Variants in CDH13 observed in about 807,000 individuals in gnomAD.
The protein encoded by CDH13 is cadherin 13, also known as cadherin-13.
Under a neutral mutation model 63.8 loss-of-function variants are expected in CDH13, and 24 were observed. The ratio of observed to expected loss-of-function variants is 0.38; its 90% confidence interval spans 0.27 to 0.53. The LOEUF (loss-of-function observed/expected upper bound fraction) is 0.53, where lower values mean the gene tolerates loss of function less well. Among genes scored for constraint, CDH13 ranks in the 20% least tolerant of loss-of-function variants. The pLI, the probability that CDH13 is intolerant of heterozygous loss-of-function variation, is 0.85. For missense variants in CDH13, 1,049 were observed against 903.1 expected, an observed-to-expected ratio of 1.16 and a Z score of -2.07; for synonymous variants, 503 against 355.3, an observed-to-expected ratio of 1.42 and a Z score of -4.67.
At chr16:83,502,202 A>G (rs1192912980) in intron 7 of CDH13, among the ~76,000 whole-genome samples, 1 of 152,188 alleles carries the variant, frequency 6.6e-6, no homozygotes, top group Non-Finnish European at 1.5e-5. Flanking sequence ...ATTAAGTCAA[A>G]TATATTGAGA....
chr16:83,748,216 C>T lies in CDH13; in HGVS notation c.1647C>T (p.Ser549=), dbSNP rs775465798. ...LDRESPFVDN[S]VYTALFLAID... is the part of the protein sequence containing the mutation. Reference sequence around the variant, plus strand: ...GTGAGTCCCCATTTGTCGACAACAGCGTGTACACTGCTCTCTTCCTGGCAA... The same window carrying T: ...GTGAGTCCCCATTTGTCGACAACAGTGTGTACACTGCTCTCTTCCTGGCAA... Residue 549 remains serine, a synonymous_variant, in exon 11 of 14, where the codon AGC becomes AGT. Transcript: ENST00000567109. The T allele has an allele frequency of 6.8e-6, 11 of 1,613,364 alleles. No individual in the cohort carries two copies. The highest frequency in any genetic ancestry group is 1.6e-4 in the Middle Eastern group (1 of 6,082).
intron 3 of CDH13, among the ~76,000 whole-genome samples, chr16:83,078,361 G>T (rs750782036): frequency 1.3e-4 from 20 of 152,208 alleles, no homozygotes; most frequent in Non-Finnish European, 2.8e-4. Flanking sequence ...TGGTTTGGGG[G>T]TGAAAGTGTT....
Position 83,547,673 on chromosome 16 carries a change from A to G in CDH13, c.961-54781A>G, listed in dbSNP as rs190599558. 1.1e-3 allele frequency among the ~76,000 whole-genome samples: 169 copies of G among 152,284 alleles called. 2 individuals carry two copies. Among genetic ancestry groups the G allele is most frequent in the Middle Eastern group, 0.01 (3 of 294 alleles). ...GCATAGTATTCCATGGTATATACGT[A>G]CCACATTTTCTTTATCCAGTCTACA... On this transcript the variant is annotated intron_variant, in intron 7 of 13. Coordinates refer to ENST00000567109, the MANE Select transcript of CDH13 (RefSeq NM_001257.5).
At chr16:82,702,853 C>T (rs1187236685) in intron 1 of CDH13, among the ~76,000 whole-genome samples, 1 of 152,132 alleles carries the variant, frequency 6.6e-6, no homozygotes, top group East Asian at 1.9e-4. Flanking sequence ...GTGTGAGCTT[C>T]ACCTTTGTCT....
chr16:82,898,562 G>A (rs1404562376), intron 2 of CDH13, among the ~76,000 whole-genome samples: 1 of 152,152 alleles, frequency 6.6e-6, no homozygotes, highest in Non-Finnish European at 1.5e-5. Flanking sequence ...TAATTCTCTT[G>A]AATTATAGCA....
intron 10 of CDH13, chr16:83,735,360 A>G (rs1338026933): frequency 6.6e-6 from 1 of 152,110 alleles, no homozygotes; most frequent in Non-Finnish European, 1.5e-5. Context: ...TTCTTCAATC[A>G]TTGATTCCCT....
intron 6 of CDH13, among the ~76,000 whole-genome samples, chr16:83,408,169 G>C (rs902776877): frequency 2.0e-5 from 3 of 152,166 alleles, no homozygotes; most frequent in African/African-American, 7.2e-5. Context: ...TGACCCGTGT[G>C]ACTATGACTG....
chr16:83,005,292 A>G (rs1410445205), intron 2 of CDH13, among the ~76,000 whole-genome samples: 1 of 152,098 alleles, frequency 6.6e-6, no homozygotes, highest in Non-Finnish European at 1.5e-5. Context: ...GAAAATAGGG[A>G]ATTTTTCTAC....
chr16:83,443,922 A>T (rs1473487016), intron 6 of CDH13, among the ~76,000 whole-genome samples: 1 of 145,944 alleles, frequency 6.9e-6, no homozygotes, highest in Non-Finnish European at 1.5e-5. Context: ...GCAACAGAGG[A>T]AACCGTTTCT....
chr16:83,263,968 T>G (rs1267221927), intron 5 of CDH13, among the ~76,000 whole-genome samples: 1 of 152,222 alleles, frequency 6.6e-6, no homozygotes, highest in African/African-American at 2.4e-5. Flanking sequence ...ATTTTTGTTC[T>G]TATGTCAAGA....
At chr16:82,863,984 C>G (rs1019199799) in intron 2 of CDH13, among the ~76,000 whole-genome samples, 2 of 152,140 alleles carry the variant, frequency 1.3e-5, no homozygotes, top group Non-Finnish European at 2.9e-5. Context: ...CCAGGCTTTC[C>G]TTTTAAAAGG....
At chr16:83,052,776 CAAAAAAA>C (rs71148805) in intron 3 of CDH13, among the ~76,000 whole-genome samples, 18 of 92,876 alleles carry the variant, frequency 1.9e-4, no homozygotes, top group African/African-American at 3.3e-4. Flanking sequence ...GACTTTATCT[CAAAAAAA>C]AAAAAAAAAA....
At chr16:83,587,895 G>GC (rs1906322293) in intron 7 of CDH13, among the ~76,000 whole-genome samples, 1 of 151,634 alleles carries the variant, frequency 6.6e-6, no homozygotes, top group African/African-American at 2.4e-5. Context: ...ATTGGAGCCA[G>GC]CCCCCAGCTG....
chr16:83,068,430 T>C (rs540499529), intron 3 of CDH13, among the ~76,000 whole-genome samples: 2 of 152,330 alleles, frequency 1.3e-5, no homozygotes, highest in South Asian at 4.1e-4. Flanking sequence ...TGAAATATGC[T>C]ACCCTCTCAC....
chr16:82,801,666 C>T (rs989540929), intron 1 of CDH13, among the ~76,000 whole-genome samples: 2 of 152,204 alleles, frequency 1.3e-5, no homozygotes, highest in Non-Finnish European at 2.9e-5. Context: ...TAGACAGGAA[C>T]CTGGAAATGC....
At position 83,477,403 on chromosome 16, in the gene CDH13, G is replaced by A. The variant is rs192131434; in HGVS notation, c.782-9074G>A. Among the ~76,000 whole-genome samples, 145 of 152,308 alleles carry A rather than the reference G, an allele frequency of 9.5e-4. 1 individual carries two copies. The highest frequency in any genetic ancestry group is 1.9e-4 in the Non-Finnish European group (13 of 68,034). ...ATTTCAGCTGCATGGAGACACTTAG[G>A]ACTGTTTTTAAATGAAGTCAGCAAC... is the stretch of plus-strand genomic sequence containing the variant. On this transcript the variant is annotated intron_variant, in intron 6 of 13. Transcript: ENST00000567109.
intron 2 of CDH13, among the ~76,000 whole-genome samples, chr16:83,009,915 C>T (rs1348579149): frequency 6.6e-6 from 1 of 152,044 alleles, no homozygotes; most frequent in Non-Finnish European, 1.5e-5. Flanking sequence ...AGGTGGATCA[C>T]CTGAGGTCGG....
At chr16:83,342,672 C>G (rs936102568) in intron 5 of CDH13, among the ~76,000 whole-genome samples, 26 of 152,074 alleles carry the variant, frequency 1.7e-4, no homozygotes, top group African/African-American at 6.3e-4. Context: ...TAAGATGGAT[C>G]TGTTGTCTGC....
intron 3 of CDH13, among the ~76,000 whole-genome samples, chr16:83,100,107 C>G (rs956655762): frequency 1.3e-5 from 2 of 152,120 alleles, no homozygotes; most frequent in African/African-American, 2.4e-5. Flanking sequence ...ATCACTCATT[C>G]AATTCGTGTG....
Sources: allele counts gnomAD v4.1 joint callset (sites outside exome capture counted in the v4.1 genomes callset), GRCh38; gene constraint gnomAD v4.1.1; transcripts MANE v1.5; gene names NCBI Gene and HGNC (gene_info 2026-07-23, HGNC 2026-07-21).